The following EYS variants were observed in gnomAD, a reference collection of about 807,000 sequenced individuals.
The protein encoded by EYS is EGF-like photoreceptor maintenance factor.
Under a neutral mutation model 282.1 loss-of-function variants are expected in EYS, and 250 were observed. The observed-to-expected ratio is 0.89, with a 90% CI of 0.80 to 0.98. The LOEUF is 0.98. Among genes scored for constraint, EYS ranks in the 50% least tolerant of loss-of-function variants. EYS has a pLI of 0.00. For synonymous variants in EYS, 1,355 were observed against 1,282.9 expected, an observed-to-expected ratio of 1.06 and a Z score of -1.20; for missense variants, 4,016 against 3,709.0, an observed-to-expected ratio of 1.08 and a Z score of -2.15.
intron 12 of EYS, among the ~76,000 whole-genome samples, chr6:65,078,197 C>G (rs1267403904): frequency 6.6e-6 from 1 of 152,032 alleles, no homozygotes; most frequent in Non-Finnish European, 1.5e-5. Flanking sequence ...TATTTATATG[C>G]CAGCATGCAC....
At chr6:64,900,563 G>T (rs1562249949) in intron 18 of EYS, among the ~76,000 whole-genome samples, 1 of 152,050 alleles carries the variant, frequency 6.6e-6, no homozygotes, top group Non-Finnish European at 1.5e-5. Context: ...ATCAAAAAGT[G>T]GGCAAAGGAT....
intron 12 of EYS, among the ~76,000 whole-genome samples, chr6:65,070,170 C>T (rs991519533): frequency 6.6e-6 from 1 of 151,884 alleles, no homozygotes; most frequent in African/African-American, 2.4e-5. Flanking sequence ...ACAAAAACAG[C>T]GTTCTAAGTG....
chr6:65,031,092 C>G (rs1456220036), intron 13 of EYS, among the ~76,000 whole-genome samples: 1 of 150,264 alleles, frequency 6.7e-6, no homozygotes, highest in East Asian at 1.9e-4. Flanking sequence ...GAAGACATAA[C>G]CATTCTAAAC....
At chr6:65,361,733 A>G (rs1389075132) in intron 8 of EYS, among the ~76,000 whole-genome samples, 1 of 152,066 alleles carries the variant, frequency 6.6e-6, no homozygotes, top group Non-Finnish European at 1.5e-5. Flanking sequence ...TGTCCATTTC[A>G]GCCTCCCAAC....
chr6:63,928,703 C>T (rs1764797979), intron 35 of EYS, among the ~76,000 whole-genome samples: 1 of 152,186 alleles, frequency 6.6e-6, no homozygotes, highest in Admixed American at 6.6e-5. Context: ...TTCTTCCTGA[C>T]ATTTTAATTC....
At chr6:64,413,558 C>CAACAACAAA (rs1773973722) in intron 28 of EYS, among the ~76,000 whole-genome samples, 3 of 114,428 alleles carry the variant, frequency 2.6e-5, no homozygotes, top group South Asian at 2.9e-4. Context: ...ACAACAACAA[C>CAACAACAAA]AAAAACCCAA....
chr6:63,826,845 C>CAAAAAAAAAAAAAAAAAAAGGAAAAAA (rs1771478793), intron 36 of EYS, among the ~76,000 whole-genome samples: 4 of 76,760 alleles, frequency 5.2e-5, no homozygotes, highest in Non-Finnish European at 1.0e-4. Context: ...AGTTAAAAAG[C>CAAAAAAAAAAAAAAAAAAAGGAAAAAA]AAAAAAAAAA....
intron 41 of EYS, among the ~76,000 whole-genome samples, chr6:63,740,865 G>C (rs908015937): frequency 2.0e-5 from 3 of 152,168 alleles, no homozygotes; most frequent in African/African-American, 7.2e-5. Flanking sequence ...AAAGGACTCT[G>C]ATTTAGTAAG....
At chr6:64,615,025 A>G (rs1237329728) in intron 24 of EYS, among the ~76,000 whole-genome samples, 1 of 152,108 alleles carries the variant, frequency 6.6e-6, no homozygotes, top group African/African-American at 2.4e-5. Flanking sequence ...ACAGAATGTG[A>G]TAACTGATGC....
At chr6:65,442,307 A>T (rs937437674) in intron 5 of EYS, among the ~76,000 whole-genome samples, 6 of 151,998 alleles carry the variant, frequency 3.9e-5, no homozygotes, top group African/African-American at 1.4e-4. Flanking sequence ...ATTGATTTTG[A>T]TTATTGGGTT....
At chr6:65,697,356 C>T (rs560162591) in intron 1 of EYS, among the ~76,000 whole-genome samples, 1 of 152,166 alleles carries the variant, frequency 6.6e-6, no homozygotes, top group South Asian at 2.1e-4. Context: ...TAAGTGTTTA[C>T]TGCAGGCATG....
At chr6:64,409,795 G>T (rs1410386662) in intron 28 of EYS, among the ~76,000 whole-genome samples, 1 of 152,056 alleles carries the variant, frequency 6.6e-6, no homozygotes, top group Non-Finnish European at 1.5e-5. Context: ...AATTTATGTT[G>T]ATAGGTCTAT....
intron 22 of EYS, among the ~76,000 whole-genome samples, chr6:64,648,397 T>A (rs901675182): frequency 1.3e-5 from 2 of 152,202 alleles, no homozygotes. Context: ...ATTATTTCTG[T>A]CTCTATTGGT....
intron 15 of EYS, among the ~76,000 whole-genome samples, chr6:64,934,687 A>T (rs914865817): frequency 4.6e-5 from 7 of 151,922 alleles, no homozygotes; most frequent in African/African-American, 1.7e-4. Flanking sequence ...AAATTAAAGC[A>T]GAAACTAAGA....
chr6:63,802,655 TATGTATATATTCAATATAC>T (rs1380961508), intron 37 of EYS, among the ~76,000 whole-genome samples: 1 of 151,868 alleles, frequency 6.6e-6, no homozygotes, highest in Non-Finnish European at 1.5e-5. Context: ...CATTACACAA[TATGTATATATTCAATATAC>T]ATGATTCAAT....
intron 35 of EYS, among the ~76,000 whole-genome samples, chr6:63,939,911 A>G (rs532465299): frequency 1.8e-4 from 27 of 152,358 alleles, no homozygotes; most frequent in African/African-American, 6.5e-4. Flanking sequence ...GTATTAAATT[A>G]TAACTGCATT....
chr6:63,887,526 G>T (rs189239392), intron 35 of EYS, among the ~76,000 whole-genome samples: 1 of 152,088 alleles, frequency 6.6e-6, no homozygotes. Context: ...TCAGGGAGGG[G>T]TGTCCCCTCA....
chr6:64,705,094 A>G (rs960485646), intron 22 of EYS, among the ~76,000 whole-genome samples: 1 of 152,182 alleles, frequency 6.6e-6, no homozygotes, highest in African/African-American at 2.4e-5. Context: ...GATGCCTCCA[A>G]ATAGCTCCTA....
intron 26 of EYS, among the ~76,000 whole-genome samples, chr6:64,500,551 A>AT (rs1241167035): frequency 6.6e-6 from 1 of 152,106 alleles, no homozygotes; most frequent in Admixed American, 6.5e-5. Flanking sequence ...GTATGGCAAA[A>AT]TTTTTTTGTG....
Sources: gnomAD v4.1 joint callset for allele counts (sites outside exome capture counted in the v4.1 genomes callset) on GRCh38, gnomAD v4.1.1 for gene constraint, MANE v1.5 for transcripts, NCBI Gene and HGNC (gene_info 2026-07-23, HGNC 2026-07-21) for gene names.